MAP3K15: variants seen among roughly 807,000 people sequenced by gnomAD.
The protein encoded by MAP3K15 is mitogen-activated protein kinase kinase kinase 15.
Under a neutral mutation model 99.5 loss-of-function variants are expected in MAP3K15, and 124 were observed. The observed-to-expected ratio is 1.25, with a 90% CI of 1.08 to 1.45. MAP3K15 has a LOEUF of 1.45. Among genes scored for constraint, MAP3K15 ranks in the 40% most tolerant of loss-of-function variants. The pLI, the probability that MAP3K15 is intolerant of heterozygous loss-of-function variation, is 0.00. For missense variants in MAP3K15, 1,242 were observed against 1,079.7 expected (o/e 1.15, Z -2.11); for synonymous variants, 494 against 439.6 (o/e 1.12, Z -1.55).
intron 16 of MAP3K15, among the ~76,000 whole-genome samples, 199 bp from the exon 17 acceptor site, chrX:19,392,672 T>C (rs888376265): frequency 2.7e-5 from 3 of 111,733 alleles, no homozygotes; most frequent in African/African-American, 9.8e-5. Flanking sequence ...CACATGAACC[T>C]AACCAGAGGC....
chrX:19,371,065 CT>C lies in MAP3K15; in HGVS notation c.3295-2del. The stretch of plus-strand genomic sequence containing the variant: ...AGTGGTTCCTCAAAATTTTATTTAC[CT>C]AAAAAAAAAAAAAATAATAAAATAA... On this transcript the variant is annotated splice_acceptor_variant, in intron 23 of 28. Transcript: ENST00000338883. LOFTEE classifies it high-confidence loss of function. 9.4e-7 allele frequency: 1 copy of C among 1,062,227 alleles called. No homozygotes were observed. The highest frequency in any genetic ancestry group is 1.2e-6 in the Non-Finnish European group (1 of 802,317). The allele number at this position is 1,062,227 out of a possible 1,213,427, so 87.5% of individuals were successfully genotyped here. A position where few individuals can be genotyped will look rare whatever the true frequency, so the allele number is the denominator to read the frequency against.
rs527435293 is a variant in MAP3K15 at position 19,473,058 on chromosome X, C to T, written c.526-8652G>A. ...CAGAGGATCTGATCCACGGAGCAAA[C>T]GTTTAGCCATAGTTAGAGAAAAATA... On this transcript the variant is annotated intron_variant, in intron 3 of 28. Transcript: ENST00000338883. Among the ~76,000 whole-genome samples the T allele has an allele frequency of 1.1e-4, 12 of 112,057 alleles. 1 individual carries two copies. In the South Asian group the frequency reaches 4.1e-3, roughly 38 times the overall value.
At chrX:19,461,576 G>A (rs2064133111) in intron 4 of MAP3K15, among the ~76,000 whole-genome samples, 1 of 111,908 alleles carries the variant, frequency 8.9e-6, no homozygotes, top group Non-Finnish European at 1.9e-5. Context: ...GACCTAACTT[G>A]GTATACATAA....
chrX:19,363,064 C>T (rs1197892952), intron 25 of MAP3K15, among the ~76,000 whole-genome samples: 1 of 111,898 alleles, frequency 8.9e-6, no homozygotes, highest in African/African-American at 3.2e-5. Context: ...TTGTGTTTTC[C>T]TCCCCTTGAC....
chrX:19,431,400 A>G, intron 7 of MAP3K15, 38 bp downstream of exon 7: 1 of 1,171,218 alleles, frequency 8.5e-7, no homozygotes. Context: ...TGTTCCTTGA[A>G]GAGATGCAAG....
At chrX:19,429,036 G>C (rs1054500860) in intron 7 of MAP3K15, among the ~76,000 whole-genome samples, 1 of 111,025 alleles carries the variant, frequency 9.0e-6, no homozygotes, top group Admixed American at 9.7e-5. Context: ...CCTCAGCATA[G>C]AAAACAGGAA....
At chrX:19,424,834 A>AC (rs2063817600) in intron 9 of MAP3K15, among the ~76,000 whole-genome samples, 1 of 101,619 alleles carries the variant, frequency 9.8e-6, no homozygotes, top group Non-Finnish European at 2.0e-5. Context: ...TTTTGTAGAC[A>AC]CTGGGTCTCA....
chrX:19,515,378 G>T lies in MAP3K15; in HGVS notation c.-117C>A, dbSNP rs1267094677. 2 of 425,751 alleles carry T rather than the reference G, an allele frequency of 4.7e-6. No homozygotes were observed. The highest frequency in any genetic ancestry group is 6.1e-6 in the Non-Finnish European group (2 of 328,711). The allele number at this position is 425,751 out of a possible 1,213,427, so 35.1% of individuals were successfully genotyped here. A position where few individuals can be genotyped will look rare whatever the true frequency, so the allele number is the denominator to read the frequency against. On this transcript the variant is annotated 5_prime_UTR_variant, in exon 1 of 29. Transcript: ENST00000338883. ...GGCACCTGCTCCTGAAGCGCGGGACGCTACGGGAATCGAGGGAACGGAGCG... is the reference window on the plus strand; with the variant it reads ...GGCACCTGCTCCTGAAGCGCGGGACTCTACGGGAATCGAGGGAACGGAGCG...
At chrX:19,410,488 T>A (rs1054152464) in intron 11 of MAP3K15, among the ~76,000 whole-genome samples, 10 of 112,183 alleles carry the variant, frequency 8.9e-5, no homozygotes, top group African/African-American at 3.2e-4. Flanking sequence ...TGAGCAGGAA[T>A]GCTGTGCATC....
chrX:19,372,941 G>T, intron 21 of MAP3K15, 114 bp from the exon 22 acceptor site: 1 of 716,336 alleles, frequency 1.4e-6, no homozygotes, highest in Non-Finnish European at 2.1e-6. Flanking sequence ...TGCAGTCCCT[G>T]TGCTCAAGAA....
chrX:19,394,969 G>T, intron 16 of MAP3K15, 112 bp downstream of exon 16: 1 of 899,224 alleles, frequency 1.1e-6, no homozygotes, highest in Admixed American at 2.7e-5. Flanking sequence ...GACTACAGGC[G>T]CCCTACAGGC....
intron 8 of MAP3K15, 42 bp from the exon 9 acceptor site, chrX:19,425,732 A>G: frequency 8.9e-7 from 1 of 1,124,648 alleles, no homozygotes; most frequent in Non-Finnish European, 1.2e-6. Flanking sequence ...AATCTTTTTT[A>G]GTTTCTGTCA....
intron 25 of MAP3K15, among the ~76,000 whole-genome samples, chrX:19,364,975 G>A (rs911184299): frequency 4.6e-5 from 5 of 109,381 alleles, no homozygotes; most frequent in South Asian, 7.8e-4. Flanking sequence ...AGGTCAAGGC[G>A]GGAGGATCAC....
At position 19,497,987 on chromosome X, in the gene MAP3K15, G is replaced by A. The variant is rs373031867; in HGVS notation, c.362-9020C>T. ...CATGATAACTGCCCAAGGGATCTGA[G>A]CCCTGCATTTTTTATTTAACTAAAT... On this transcript the variant is annotated intron_variant, in intron 1 of 28. Coordinates refer to ENST00000338883, the MANE Select transcript of MAP3K15 (RefSeq NM_001001671.4). 8.1e-5 allele frequency among the ~76,000 whole-genome samples: 9 copies of A among 111,318 alleles called. No individual in the cohort carries two copies. The East Asian group carries it at 2.5e-3, about 31-fold the overall frequency.
At chrX:19,467,203 G>T (rs1019845112) in intron 3 of MAP3K15, among the ~76,000 whole-genome samples, 5 of 110,856 alleles carry the variant, frequency 4.5e-5, no homozygotes, top group Non-Finnish European at 9.4e-5. Context: ...AGATTCTGCA[G>T]CATTTGGGCC....
chrX:19,388,225 A>G (rs1444985602), intron 18 of MAP3K15, among the ~76,000 whole-genome samples: 2 of 112,094 alleles, frequency 1.8e-5, no homozygotes, highest in East Asian at 2.8e-4. Context: ...CAATCGGCTC[A>G]TGCAACCTCC....
At chrX:19,469,244 C>T (rs1185373618) in intron 3 of MAP3K15, among the ~76,000 whole-genome samples, 4 of 111,314 alleles carry the variant, frequency 3.6e-5, no homozygotes, top group South Asian at 3.8e-4. Context: ...GAAATAATGC[C>T]GCATAGCTAC....
intron 3 of MAP3K15, among the ~76,000 whole-genome samples, chrX:19,469,040 A>C (rs772521313): frequency 9.0e-6 from 1 of 111,409 alleles, no homozygotes; most frequent in East Asian, 2.8e-4. Context: ...TTGTAGATAT[A>C]CAATCATGTC....
Position 19,362,816 on chromosome X carries a change from A to ACT in MAP3K15, c.3599_3600dup (p.Tyr1201SerfsTer10), listed in dbSNP as rs747607452. On this transcript the variant is annotated frameshift_variant, in exon 26 of 29. Coordinates refer to ENST00000338883, the MANE Select transcript of MAP3K15 (RefSeq NM_001001671.4). LOFTEE classifies it high-confidence loss of function. The stretch of plus-strand genomic sequence containing the variant: ...AGAGTTTGCCGCAGAAGATTCTGGT[A>ACT]CTCTCTCTCTTTTTCAACTAGGTGT... The ACT allele has an allele frequency of 2.5e-6, 3 of 1,176,982 alleles. No homozygotes were observed. Among genetic ancestry groups the ACT allele is most frequent in the African/African-American group, 1.8e-5 (1 of 54,385 alleles).
Sources: allele counts gnomAD v4.1 joint callset (sites outside exome capture counted in the v4.1 genomes callset), GRCh38; gene constraint gnomAD v4.1.1; transcripts MANE v1.5; gene names NCBI Gene and HGNC (gene_info 2026-07-23, HGNC 2026-07-21).